MTERF3: variants seen among roughly 807,000 people sequenced by gnomAD.
MTERF3 encodes the protein mitochondrial transcription termination factor 3, also known as transcription termination factor 3, mitochondrial.
MTERF3 carries 40 observed loss-of-function variants against 40.5 expected under a neutral mutation model. The ratio of observed to expected loss-of-function variants is 0.99; its 90% CI spans 0.77 to 1.29. The LOEUF is 1.29. Ranked by LOEUF, MTERF3 falls within the 50% of genes most tolerant of loss-of-function variation. MTERF3 has a pLI of 0.00. For missense variants in MTERF3, 452 were observed against 478.2 expected, an observed-to-expected ratio of 0.95 and a Z score of 0.51; for synonymous variants, 158 against 166.6, an observed-to-expected ratio of 0.95 and a Z score of 0.40.
chr8:96,251,066 G>A lies in MTERF3; in HGVS notation c.517C>T (p.Pro173Ser). The A allele has an allele frequency of 1.9e-6, 3 of 1,586,226 alleles. No individual in the cohort carries two copies. The highest frequency in any genetic ancestry group is 2.6e-6 in the Non-Finnish European group (3 of 1,173,324). ...CTCAGAAGGAGGTTTGCTGCTTCTGGATGTTTTTCTATCTTGGACAAATCC... is the reference window on the plus strand; with the variant it reads ...CTCAGAAGGAGGTTTGCTGCTTCTGAATGTTTTTCTATCTTGGACAAATCC... The part of the protein sequence containing the change: ...GVDLSKIEKH[P>S]EAANLLLRLD... Residue 173 changes from proline (P) to serine (S), a missense_variant, in exon 4 of 8, where the codon CCA becomes TCA. Physicochemically the swap from Pro to Ser is moderately conservative, Grantham distance 74 (BLOSUM62 -1). Transcript: ENST00000287025.
chr8:96,245,692 A>G (rs1810007576), intron 6 of MTERF3, among the ~76,000 whole-genome samples, 168 bp downstream of exon 6: 1 of 152,274 alleles, frequency 6.6e-6, no homozygotes, highest in Admixed American at 6.5e-5. Context: ...TAACTGAAAC[A>G]AACTGCTTGC....
intron 1 of MTERF3, among the ~76,000 whole-genome samples, chr8:96,259,709 C>G (rs563088283): frequency 6.6e-6 from 1 of 152,114 alleles, no homozygotes; most frequent in Non-Finnish European, 1.5e-5. Flanking sequence ...AAAAATTCTG[C>G]TGAATTAATT....
At chr8:96,245,124 C>G (rs1029244781) in intron 6 of MTERF3, among the ~76,000 whole-genome samples, 6 of 152,100 alleles carry the variant, frequency 3.9e-5, no homozygotes, top group Non-Finnish European at 7.3e-5. Flanking sequence ...GCCCCCATCA[C>G]TCTGGATTTG....
intron 3 of MTERF3, among the ~76,000 whole-genome samples, chr8:96,253,003 G>T (rs1262455474): frequency 1.3e-5 from 2 of 152,110 alleles, no homozygotes; most frequent in East Asian, 1.9e-4. Context: ...AGGTATTGGG[G>T]TTATAAAAAA....
chr8:96,250,681 A>AAGAAGAAGGAGGAGG (rs1195195158), intron 4 of MTERF3, among the ~76,000 whole-genome samples: 1 of 23,336 alleles, frequency 4.3e-5, no homozygotes, highest in African/African-American at 1.8e-4. Flanking sequence ...GAAGAAGAAG[A>AAGAAGAAGGAGGAGG]AGGAGGAGGA....
At chr8:96,244,437 G>A (rs1452564594) in intron 6 of MTERF3, among the ~76,000 whole-genome samples, 2 of 150,416 alleles carry the variant, frequency 1.3e-5, no homozygotes, top group South Asian at 2.1e-4. Context: ...GTCTCGCTTT[G>A]TCATCCAGGC....
Position 96,257,097 on chromosome 8 carries a change from G to A in MTERF3, c.352C>T (p.Pro118Ser). The change falls in exon 3 of 8, where the codon CCA becomes TCA. Residue 118 changes from proline (P) to serine (S), a missense_variant. Pro to Ser is a moderately conservative substitution (Grantham distance 74, BLOSUM62 -1). Transcript: ENST00000287025. Reference sequence around the variant, plus strand: ...GAAATTGGCTGCATTGGAGACAATGGAGGCAATTCATCCAGTTCTTTGAAA... The same window carrying A: ...GAAATTGGCTGCATTGGAGACAATGAAGGCAATTCATCCAGTTCTTTGAAA... The part of the protein sequence containing the change: ...LFLEELDELP[P>S]LSPMQPISEE... 1 of 1,612,000 alleles carries A rather than the reference G, an allele frequency of 6.2e-7. No individual in the cohort carries two copies. The highest frequency in any genetic ancestry group is 1.1e-5 in the South Asian group (1 of 90,570).
intron 1 of MTERF3, among the ~76,000 whole-genome samples, chr8:96,259,637 G>T (rs529485065): frequency 6.6e-6 from 1 of 152,140 alleles, no homozygotes; most frequent in African/African-American, 2.4e-5. Context: ...ACAGGATGGA[G>T]TCAGGATATA....
At chr8:96,260,196 C>A (rs897813294) in intron 1 of MTERF3, 4 of 152,160 alleles carry the variant, frequency 2.6e-5, no homozygotes, top group African/African-American at 9.7e-5. Context: ...CCACTGCGCT[C>A]GGCCCATTCT....
At position 96,258,615 on chromosome 8, in the gene MTERF3, G is replaced by A; in HGVS notation, c.76C>T (p.Leu26Phe). 2.5e-6 allele frequency: 4 copies of A among 1,614,152 alleles called. No homozygotes were observed. The highest frequency in any genetic ancestry group is 3.4e-6 in the Non-Finnish European group (4 of 1,179,998). Reference sequence around the variant, plus strand: ...GCTGGTCTAGTAAAACGTTTTGTGAGTTGTGCAGCATTAATGAGGCTCCTC... The same window carrying A: ...GCTGGTCTAGTAAAACGTTTTGTGAATTGTGCAGCATTAATGAGGCTCCTC... ...KLRSLINAAQLTKRFTRPART... is the reference protein window; with the variant it reads ...KLRSLINAAQFTKRFTRPART... The change falls in exon 2 of 8, where the codon CTC becomes TTC. Residue 26 changes from leucine (L) to phenylalanine (F), a missense_variant. Leu to Phe is a conservative substitution (Grantham distance 22). Coordinates refer to ENST00000287025, the MANE Select transcript of MTERF3 (RefSeq NM_015942.5).
At position 96,258,941 on chromosome 8, in the gene MTERF3, C is replaced by T. The variant is rs115359959; in HGVS notation, c.-10-241G>A. ...TTCTGAGTGGAAAAATAAAGATATA[C>T]TTTACAATTTAAAAACAAAATGCAA... On this transcript the variant is annotated intron_variant, in intron 1 of 7. Coordinates refer to ENST00000287025, the MANE Select transcript of MTERF3 (RefSeq NM_015942.5). 7.9e-3 allele frequency among the ~76,000 whole-genome samples: 1,203 copies of T among 152,220 alleles called. 18 individuals carry two copies. The highest frequency in any genetic ancestry group is 0.027 in the African/African-American group (1,120 of 41,532).
chr8:96,251,184 G>T, intron 3 of MTERF3, 89 bp from the exon 4 acceptor site: 1 of 1,000,540 alleles, frequency 1.0e-6, no homozygotes, highest in Non-Finnish European at 1.4e-6. Context: ...TACTGATGGA[G>T]ATCAACACCT....
intron 4 of MTERF3, among the ~76,000 whole-genome samples, chr8:96,250,329 GTTTT>G (rs35632317): frequency 2.2e-5 from 3 of 138,866 alleles, no homozygotes; most frequent in Non-Finnish European, 4.7e-5. Flanking sequence ...TTGTTGATGG[GTTTT>G]TTTTTTTTTT....
intron 3 of MTERF3, among the ~76,000 whole-genome samples, chr8:96,251,850 C>T (rs1344024651): frequency 6.6e-6 from 1 of 152,024 alleles, no homozygotes; most frequent in African/African-American, 2.4e-5. Context: ...ATTAAGATGC[C>T]CATGAACAGT....
intron 4 of MTERF3, among the ~76,000 whole-genome samples, chr8:96,248,637 G>A (rs1480871443): frequency 6.6e-6 from 1 of 152,044 alleles, no homozygotes; most frequent in Non-Finnish European, 1.5e-5. Flanking sequence ...GCAAGGTTCA[G>A]CATTTGATTA....
chr8:96,248,985 T>A (rs1010943941), intron 4 of MTERF3, among the ~76,000 whole-genome samples: 2 of 152,208 alleles, frequency 1.3e-5, no homozygotes, highest in Non-Finnish European at 2.9e-5. Context: ...AAGTAATTTT[T>A]AAAAATGTTC....
chr8:96,246,090 G>GA (rs1365138736), intron 5 of MTERF3, among the ~76,000 whole-genome samples, 159 bp from the exon 6 acceptor site: 1 of 151,946 alleles, frequency 6.6e-6, no homozygotes, highest in African/African-American at 2.4e-5. Context: ...ATACTGTTTG[G>GA]AAAAAAAGAA....
intron 4 of MTERF3, among the ~76,000 whole-genome samples, chr8:96,250,527 G>C (rs762863041): frequency 1.4e-5 from 2 of 143,276 alleles, no homozygotes; most frequent in Non-Finnish European, 3.1e-5. Context: ...CCTGGCCAAT[G>C]TGGCGAAACC....
chr8:96,251,261 A>C (rs561426877), intron 3 of MTERF3, among the ~76,000 whole-genome samples, 166 bp from the exon 4 acceptor site: 10 of 152,340 alleles, frequency 6.6e-5, no homozygotes, highest in African/African-American at 2.4e-4. Flanking sequence ...TTGGTTGCAG[A>C]AACAACATAG....
Sources: allele counts gnomAD v4.1 joint callset (sites outside exome capture counted in the v4.1 genomes callset), GRCh38; gene constraint gnomAD v4.1.1; transcripts MANE v1.5; gene names NCBI Gene and HGNC (gene_info 2026-07-23, HGNC 2026-07-21).